Variants in ATP10A observed in about 807,000 individuals in gnomAD.
ATP10A encodes ATPase phospholipid transporting 10A (putative).
In ATP10A, 111 loss-of-function variants were observed where a neutral mutation model predicts 147.8. That is an observed-to-expected ratio of 0.75 (90% CI 0.64 to 0.88). The LOEUF is 0.88. Ranked by LOEUF, ATP10A falls within the 40% of genes least tolerant of loss-of-function variation. The pLI is 0.00. For synonymous variants in ATP10A, 875 were observed against 841.6 expected, an observed-to-expected ratio of 1.04 and a Z score of -0.69; for missense variants, 1,927 against 1,959.0, an observed-to-expected ratio of 0.98 and a Z score of 0.31.
At chr15:25,819,497 T>A (rs1247519291) in intron 1 of ATP10A, among the ~76,000 whole-genome samples, 2 of 151,968 alleles carry the variant, frequency 1.3e-5, no homozygotes, top group Non-Finnish European at 2.9e-5. Flanking sequence ...AGTACAAATC[T>A]ATGGAAAACA....
In ATP10A at chr15:25,679,249, A is replaced by G. The variant is rs1327115110; in HGVS notation, c.*92T>C. The G allele has an allele frequency of 3.2e-5, 33 of 1,015,736 alleles. No homozygotes were observed. The highest frequency in any genetic ancestry group is 4.0e-5 in the Non-Finnish European group (32 of 792,444). The allele number at this position is 1,015,736 out of a possible 1,614,324, so 62.9% of individuals were successfully genotyped here. A position where few individuals can be genotyped will look rare whatever the true frequency, so the allele number is the denominator to read the frequency against. On this transcript the variant is annotated 3_prime_UTR_variant, in exon 21 of 21. Coordinates refer to ENST00000555815, the MANE Select transcript of ATP10A (RefSeq NM_024490.4). ...GTATTAGCCTGGGAAACATTTAGAA[A>G]TACATCTCCCTAGAACTCTTCTGTG...
chr15:25,711,417 A>G (rs1567321479), intron 10 of ATP10A, among the ~76,000 whole-genome samples: 1 of 152,052 alleles, frequency 6.6e-6, no homozygotes, highest in East Asian at 1.9e-4. Flanking sequence ...CCCCAAGTAA[A>G]AGGCGAATGA....
chr15:25,811,415 AG>A (rs1256689297), intron 1 of ATP10A, among the ~76,000 whole-genome samples: 1 of 152,200 alleles, frequency 6.6e-6, no homozygotes, highest in African/African-American at 2.4e-5. Flanking sequence ...AAACAAAAAA[AG>A]GAACAAGAAG....
At position 25,817,399 on chromosome 15, in the gene ATP10A, T is replaced by C. The variant is rs576613944; in HGVS notation, c.450-36176A>G. ...CACCCAGCCTCTCTCTCTAACAATG[T>C]GGTTTGTATCCAACTAGAAGGTGAG... On this transcript the variant is annotated intron_variant, in intron 1 of 20. Coordinates refer to ENST00000555815, the MANE Select transcript of ATP10A (RefSeq NM_024490.4). Among the ~76,000 whole-genome samples, 4 of 152,342 alleles carry C rather than the reference T, an allele frequency of 2.6e-5. No homozygotes were observed. The East Asian group carries it at 5.8e-4, about 22-fold the overall frequency.
chr15:25,834,567 C>T (rs987444011), intron 1 of ATP10A, among the ~76,000 whole-genome samples: 13 of 152,170 alleles, frequency 8.5e-5, no homozygotes, highest in Admixed American at 2.6e-4. Flanking sequence ...AACAGCTCTC[C>T]AGTTAAACCT....
chr15:25,731,481 AT>A (rs1902984384), intron 3 of ATP10A, among the ~76,000 whole-genome samples: 1 of 152,214 alleles, frequency 6.6e-6, no homozygotes, highest in Non-Finnish European at 1.5e-5. Context: ...TCTTTGCTTT[AT>A]TCTTTAGGGG....
At chr15:25,783,253 A>G (rs1367010625) in intron 1 of ATP10A, among the ~76,000 whole-genome samples, 1 of 152,180 alleles carries the variant, frequency 6.6e-6, no homozygotes, top group Non-Finnish European at 1.5e-5. Flanking sequence ...CATGTTTACC[A>G]TAACCATCTT....
At chr15:25,680,001 G>C (rs774017027) in intron 20 of ATP10A, 27 bp from the exon 21 acceptor site, 3 of 1,586,980 alleles carry the variant, frequency 1.9e-6, no homozygotes, top group South Asian at 2.2e-5. Context: ...AAAACAAAAA[G>C]TTAGATATTC....
chr15:25,752,755 A>C (rs1303571571), intron 2 of ATP10A, among the ~76,000 whole-genome samples: 1 of 152,176 alleles, frequency 6.6e-6, no homozygotes, highest in Non-Finnish European at 1.5e-5. Flanking sequence ...TTTGAGTAGT[A>C]TGGCATCCTA....
intron 1 of ATP10A, among the ~76,000 whole-genome samples, chr15:25,782,356 CGTAA>C (rs1891405300): frequency 6.6e-6 from 1 of 151,916 alleles, no homozygotes; most frequent in African/African-American, 2.4e-5. Flanking sequence ...TGTACCACAC[CGTAA>C]GTATCACTAA....
At chr15:25,695,556 G>A (rs892313769) in intron 13 of ATP10A, among the ~76,000 whole-genome samples, 1 of 152,160 alleles carries the variant, frequency 6.6e-6, no homozygotes, top group Admixed American at 6.5e-5. Flanking sequence ...ATGAACCTGG[G>A]AGGCGGAGCT....
intron 9 of ATP10A, 100 bp downstream of exon 9, chr15:25,716,630 G>C: frequency 8.3e-7 from 1 of 1,203,972 alleles, no homozygotes; most frequent in Non-Finnish European, 1.2e-6. Flanking sequence ...AAGAGCGCTT[G>C]CTGCAGGAAA....
chr15:25,769,064 ACT>A, intron 2 of ATP10A, among the ~76,000 whole-genome samples: 1 of 152,164 alleles, frequency 6.6e-6, no homozygotes, highest in African/African-American at 2.4e-5. Flanking sequence ...TAGTGCCTTG[ACT>A]CTCACACACA....
At chr15:25,786,775 A>G (rs11631749) in intron 1 of ATP10A, among the ~76,000 whole-genome samples, 61,411 of 144,404 alleles carry the variant, frequency 0.43, 13,174 homozygotes, top group East Asian at 0.61. Flanking sequence ...ACAGGCGCCC[A>G]CCACCATGCC....
chr15:25,789,589 T>TGTGTGTGTGTGA (rs1309051397), intron 1 of ATP10A, among the ~76,000 whole-genome samples: 1 of 151,582 alleles, frequency 6.6e-6, no homozygotes, highest in African/African-American at 2.4e-5. Flanking sequence ...TGTGTGTGTG[T>TGTGTGTGTGTGA]GTGACAGAGA....
At chr15:25,737,549 G>C (rs966048260) in intron 2 of ATP10A, among the ~76,000 whole-genome samples, 1 of 152,146 alleles carries the variant, frequency 6.6e-6, no homozygotes, top group African/African-American at 2.4e-5. Flanking sequence ...TGGGGAGTGT[G>C]CGCAGGGGAG....
chr15:25,825,512 C>T (rs1308151860), intron 1 of ATP10A, among the ~76,000 whole-genome samples: 1 of 152,070 alleles, frequency 6.6e-6, no homozygotes, highest in African/African-American at 2.4e-5. Context: ...GAGAGGTAAC[C>T]ACCTGGCTCA....
At chr15:25,718,834 G>T (rs905291658) in intron 7 of ATP10A, among the ~76,000 whole-genome samples, 1 of 152,132 alleles carries the variant, frequency 6.6e-6, no homozygotes, top group African/African-American at 2.4e-5. Flanking sequence ...CCACATGGAC[G>T]GTGGCCACCA....
chr15:25,712,052 A>G (rs915288857), intron 10 of ATP10A, among the ~76,000 whole-genome samples: 1 of 152,134 alleles, frequency 6.6e-6, no homozygotes, highest in Non-Finnish European at 1.5e-5. Flanking sequence ...CTGCCTCTTG[A>G]TAATGCTCTA....
Sources: gnomAD v4.1 joint callset for allele counts (sites outside exome capture counted in the v4.1 genomes callset) on GRCh38, gnomAD v4.1.1 for gene constraint, MANE v1.5 for transcripts, NCBI Gene and HGNC (gene_info 2026-07-23, HGNC 2026-07-21) for gene names.